RAB3GAP2: variants seen among roughly 807,000 people sequenced by gnomAD.
RAB3GAP2 encodes the protein RAB3 GTPase activating non-catalytic protein subunit 2, also known as rab3 GTPase-activating protein non-catalytic subunit.
In RAB3GAP2, 87 loss-of-function variants were observed where a neutral mutation model predicts 185.3. The observed-to-expected ratio is 0.47, with a 90% CI of 0.39 to 0.56. The LOEUF is 0.56. RAB3GAP2 is among the 20% of genes least tolerant of loss of function. The probability of loss-of-function intolerance (pLI) is 0.00; values close to 1 mark genes in which losing one functional copy is unlikely to be tolerated. For missense variants in RAB3GAP2, 1,492 were observed against 1,638.2 expected (o/e 0.91, Z 1.54); for synonymous variants, 554 against 576.1 (o/e 0.96, Z 0.55).
chr1:220,251,727 G>A (rs1454502887), intron 1 of RAB3GAP2, among the ~76,000 whole-genome samples: 2 of 152,220 alleles, frequency 1.3e-5, no homozygotes, highest in Admixed American at 6.5e-5. Context: ...TGACCCACAT[G>A]TATAAGGATG....
chr1:220,238,584 T>C (rs566767220), intron 1 of RAB3GAP2, among the ~76,000 whole-genome samples: 3 of 152,310 alleles, frequency 2.0e-5, no homozygotes, highest in South Asian at 2.1e-4. Flanking sequence ...GCCTGGCACA[T>C]AGACACCCTT....
intron 21 of RAB3GAP2, among the ~76,000 whole-genome samples, chr1:220,179,172 C>T (rs957662155): frequency 2.1e-5 from 3 of 143,870 alleles, no homozygotes; most frequent in Non-Finnish European, 4.5e-5. Context: ...TAACTTGAAC[C>T]TGGGAGGTAG....
At chr1:220,168,722 T>C (rs1318407387) in intron 24 of RAB3GAP2, among the ~76,000 whole-genome samples, 1 of 152,200 alleles carries the variant, frequency 6.6e-6, no homozygotes, top group African/African-American at 2.4e-5. Context: ...ATCAACAAAT[T>C]TGCCTATATG....
intron 21 of RAB3GAP2, among the ~76,000 whole-genome samples, chr1:220,181,396 T>C (rs1392331378): frequency 6.6e-6 from 1 of 152,144 alleles, no homozygotes; most frequent in Non-Finnish European, 1.5e-5. Flanking sequence ...GACAACTGTG[T>C]ATGCATGCAT....
intron 2 of RAB3GAP2, among the ~76,000 whole-genome samples, chr1:220,219,177 T>C (rs998399775): frequency 6.6e-6 from 1 of 152,190 alleles, no homozygotes; most frequent in African/African-American, 2.4e-5. Flanking sequence ...GAAACTGTAG[T>C]ACTAAGTGCA....
intron 2 of RAB3GAP2, among the ~76,000 whole-genome samples, chr1:220,228,763 A>T (rs1239822958): frequency 6.6e-6 from 1 of 152,198 alleles, no homozygotes; most frequent in Non-Finnish European, 1.5e-5. Flanking sequence ...TAATTGGTAC[A>T]CCCAAAATGG....
rs984744300 is a variant in RAB3GAP2 at position 220,172,153 on chromosome 1, G to A, written c.2417-104C>T. The A allele has an allele frequency of 1.5e-5, 17 of 1,142,362 alleles. No individual in the cohort carries two copies. In the African/African-American group the frequency reaches 2.3e-4, roughly 16 times the overall value. The allele number at this position is 1,142,362 out of a possible 1,614,324, so 70.8% of individuals were successfully genotyped here. ...TGTTAAAACTAAGTTACCTACTGAT[G>A]TGTTTTTGTATTTCTCAATGAAGTG... On this transcript the variant is annotated intron_variant, in intron 22 of 34. Coordinates refer to ENST00000358951, the MANE Select transcript of RAB3GAP2 (RefSeq NM_012414.4).
chr1:220,238,734 C>T (rs1659639112), intron 1 of RAB3GAP2, among the ~76,000 whole-genome samples: 1 of 152,188 alleles, frequency 6.6e-6, no homozygotes, highest in Admixed American at 6.5e-5. Context: ...AAGGTTAATC[C>T]TTTATGAAGT....
intron 17 of RAB3GAP2, among the ~76,000 whole-genome samples, chr1:220,189,064 T>C (rs1038323864): frequency 3.9e-5 from 6 of 151,964 alleles, no homozygotes; most frequent in Admixed American, 3.9e-4. Context: ...AAATTCTAAA[T>C]TACAGTTACC....
intron 17 of RAB3GAP2, among the ~76,000 whole-genome samples, chr1:220,188,570 G>A (rs190383854): frequency 3.3e-5 from 5 of 152,302 alleles, no homozygotes; most frequent in Admixed American, 3.3e-4. Flanking sequence ...AGGCTGTGGA[G>A]TAACAGGGAC....
intron 1 of RAB3GAP2, chr1:220,267,438 A>T (rs1263514606): frequency 7.3e-7 from 1 of 1,366,322 alleles, no homozygotes; most frequent in Non-Finnish European, 1.0e-6. Flanking sequence ...ACACCCTAAG[A>T]GCCAGAATAA....
chr1:220,210,950 C>T lies in RAB3GAP2; in HGVS notation c.434+5G>A. 1 of 1,613,966 alleles carries T rather than the reference C, an allele frequency of 6.2e-7. No homozygotes were observed. Among genetic ancestry groups the T allele is most frequent in the Non-Finnish European group, 8.5e-7 (1 of 1,179,924 alleles). On this transcript the variant is annotated splice_donor_5th_base_variant and intron_variant, in intron 5 of 34. Transcript: ENST00000358951. Reference sequence around the variant, plus strand: ...AGAAAACAGATGACTCTTATTTATCCTTACCTCTTTTGGCTTGCTAGTGGG... The same window carrying T: ...AGAAAACAGATGACTCTTATTTATCTTTACCTCTTTTGGCTTGCTAGTGGG...
chr1:220,223,958 A>G (rs546081593), intron 2 of RAB3GAP2, among the ~76,000 whole-genome samples: 1 of 144,504 alleles, frequency 6.9e-6, no homozygotes, highest in African/African-American at 2.6e-5. Context: ...GTGAGCCATG[A>G]TCGTGCCACT....
intron 1 of RAB3GAP2, among the ~76,000 whole-genome samples, chr1:220,250,235 A>G (rs959490905): frequency 6.6e-6 from 1 of 152,198 alleles, no homozygotes; most frequent in African/African-American, 2.4e-5. Context: ...CACCTCTTGC[A>G]TGAGTGTGAC....
chr1:220,272,307 A>G lies in RAB3GAP2; in HGVS notation c.31T>C (p.Phe11Leu). The G allele has an allele frequency of 6.2e-7, 1 of 1,612,474 alleles. No homozygotes were observed. The highest frequency in any genetic ancestry group is 8.5e-7 in the Non-Finnish European group (1 of 1,179,592). The stretch of plus-strand genomic sequence containing the variant: ...TCCCGGGCGGCCTGGAGGTCCTGGA[A>G]GTAGCAGAACTGGACAATGGAGCAG... MACSIVQFCY[F>L]QDLQAARDFL... is the part of the protein sequence containing the mutation. Residue 11 changes from phenylalanine to leucine, a missense_variant, in exon 1 of 35, where the codon TTC becomes CTC. Around this residue, in one of 5 missense-constraint regions of RAB3GAP2, gnomAD observed 177 missense variants for 160.6 expected, o/e 1.10. Transcript: ENST00000358951.
At chr1:220,260,491 G>A (rs767500695) in intron 1 of RAB3GAP2, among the ~76,000 whole-genome samples, 6 of 152,050 alleles carry the variant, frequency 3.9e-5, no homozygotes, top group Admixed American at 2.6e-4. Flanking sequence ...AAACTAATGC[G>A]GGAACAGAAA....
intron 2 of RAB3GAP2, among the ~76,000 whole-genome samples, chr1:220,217,559 T>C (rs1452590487): frequency 6.6e-6 from 1 of 152,098 alleles, no homozygotes; most frequent in African/African-American, 2.4e-5. Context: ...TGTGACTGCA[T>C]TTCTCCCACA....
At chr1:220,232,963 G>T (rs1659528431) in intron 1 of RAB3GAP2, 100 bp from the exon 2 acceptor site, 7 of 925,758 alleles carry the variant, frequency 7.6e-6, no homozygotes, top group East Asian at 2.4e-5. Flanking sequence ...CCTGTATAAT[G>T]CTGATATTAA....
chr1:220,205,022 G>C (rs1202957062), intron 8 of RAB3GAP2, among the ~76,000 whole-genome samples: 1 of 151,962 alleles, frequency 6.6e-6, no homozygotes, highest in African/African-American at 2.4e-5. Flanking sequence ...TTGGTTCCAA[G>C]TCTTTGCTAT....
Sources: allele counts gnomAD v4.1 joint callset (sites outside exome capture counted in the v4.1 genomes callset), GRCh38; gene constraint gnomAD v4.1.1; regional missense constraint gnomAD v4.1.1; transcripts MANE v1.5; gene names NCBI Gene and HGNC (gene_info 2026-07-23, HGNC 2026-07-21).